EIF3K: variants seen among roughly 807,000 people sequenced by gnomAD.
EIF3K encodes eukaryotic translation initiation factor 3 subunit K, also known as eIF-3 p28.
A neutral mutation model predicts 34.2 loss-of-function variants in EIF3K; 27 were observed. That is an observed-to-expected ratio of 0.79 (90% CI 0.58 to 1.09). EIF3K has a LOEUF of 1.09. EIF3K is among the 50% of genes least tolerant of loss of function. EIF3K has a pLI of 0.00. For synonymous variants in EIF3K, 105 were observed against 105.7 expected (o/e 0.99, Z 0.04); for missense variants, 232 against 275.4 (o/e 0.84, Z 1.11).
At chr19:38,625,518 C>CTTTTTTTT (rs58008087) in intron 3 of EIF3K, among the ~76,000 whole-genome samples, 2 of 145,834 alleles carry the variant, frequency 1.4e-5, no homozygotes, top group South Asian at 2.1e-4. Context: ...TTAATATTTT[C>CTTTTTTTT]TTTTTTTTTG....
chr19:38,633,090 G>A (rs1243419090), intron 6 of EIF3K, among the ~76,000 whole-genome samples: 1 of 152,202 alleles, frequency 6.6e-6, no homozygotes, highest in Non-Finnish European at 1.5e-5. Context: ...CCCGTGGCCT[G>A]AGGTAGTGCA....
At chr19:38,624,912 A>G (rs888994) in intron 3 of EIF3K, among the ~76,000 whole-genome samples, 37,489 of 152,118 alleles carry the variant, frequency 0.25, 6,067 homozygotes, top group East Asian at 0.58. Context: ...TGAGACAGGG[A>G]AGGGAAGACC....
chr19:38,636,943 T>C lies in EIF3K; in HGVS notation c.*23T>C. On this transcript the variant is annotated 3_prime_UTR_variant, in exon 8 of 8. Coordinates refer to ENST00000248342, the MANE Select transcript of EIF3K (RefSeq NM_013234.4). ...TAACTTCAGGTGTTTAATAAAGATG[T>C]GTTGACTCAGCCCTACTGTCTCCTC... 5.0e-6 allele frequency: 8 copies of C among 1,614,006 alleles called. No individual in the cohort carries two copies. The highest frequency in any genetic ancestry group is 5.9e-6 in the Non-Finnish European group (7 of 1,179,922).
chr19:38,626,350 C>T (rs1452920636), intron 4 of EIF3K: 8 of 479,938 alleles, frequency 1.7e-5, no homozygotes, highest in East Asian at 1.0e-4. Context: ...TAGTACACAC[C>T]GTTGATCAGA....
chr19:38,634,396 C>T (rs1018724145), intron 6 of EIF3K, among the ~76,000 whole-genome samples: 2 of 150,168 alleles, frequency 1.3e-5, no homozygotes, highest in African/African-American at 2.5e-5. Flanking sequence ...GTCGGGAGTT[C>T]GAGACCAGCC....
chr19:38,631,329 T>C (rs924010703), intron 4 of EIF3K, among the ~76,000 whole-genome samples: 2 of 152,140 alleles, frequency 1.3e-5, no homozygotes, highest in Admixed American at 6.6e-5. Context: ...TGGGTGTTTC[T>C]CGGAGAGGGG....
rs1462202444 is a variant in EIF3K at position 38,620,422 on chromosome 19, G to T, written c.145G>T (p.Ala49Ser). The T allele has an allele frequency of 6.2e-7, 1 of 1,613,770 alleles. No homozygotes were observed. The change falls in exon 2 of 8, where the codon GCT becomes TCT. Residue 49 changes from alanine to serine, a missense_variant. Physicochemically the swap from Ala to Ser is moderately conservative, Grantham distance 99. Coordinates refer to ENST00000248342, the MANE Select transcript of EIF3K (RefSeq NM_013234.4). The stretch of plus-strand genomic sequence containing the variant: ...TGCCTATGATCTGGAAGCCAACCTG[G>T]CTGTCCTGAAGCTGTAAGTGTCTAG... ...ENAYDLEANLAVLKLYQFNPA... is the reference protein window; with the variant it reads ...ENAYDLEANLSVLKLYQFNPA...
Position 38,632,508 on chromosome 19 carries a change from TC to T in EIF3K, c.421+13del, listed in dbSNP as rs1346132675. ...CTCTGTCCGAAAGTGTAAGTCCCTCTCTGAGGCTGGGCTCCCCAAGGGGAAG... is the reference window on the plus strand; with the variant it reads ...CTCTGTCCGAAAGTGTAAGTCCCTCTTGAGGCTGGGCTCCCCAAGGGGAAG... On this transcript the variant is annotated intron_variant, in intron 5 of 7. Transcript: ENST00000248342. 6.2e-7 allele frequency: 1 copy of T among 1,614,144 alleles called. No homozygotes were observed. Among genetic ancestry groups the T allele is most frequent in the East Asian group, 2.2e-5 (1 of 44,880 alleles).
At chr19:38,621,212 AAAAAAG>A (rs1975834047) in intron 2 of EIF3K, among the ~76,000 whole-genome samples, 1 of 150,978 alleles carries the variant, frequency 6.6e-6, no homozygotes, top group African/African-American at 2.4e-5. Flanking sequence ...AAAAAAAAAA[AAAAAAG>A]AATTACCAAT....
intron 4 of EIF3K, 123 bp downstream of exon 4, chr19:38,626,225 G>A (rs1975948795): frequency 1.1e-6 from 1 of 880,094 alleles, no homozygotes; most frequent in East Asian, 2.5e-5. Context: ...TGCTCTGCAT[G>A]TGTGTGTTTG....
chr19:38,633,395 A>G (rs184595231), intron 6 of EIF3K, among the ~76,000 whole-genome samples: 1 of 152,320 alleles, frequency 6.6e-6, no homozygotes, highest in African/African-American at 2.4e-5. Context: ...AACGTAGAAA[A>G]GGAAGTCAAG....
chr19:38,636,270 T>G (rs1302910902), intron 7 of EIF3K, among the ~76,000 whole-genome samples: 1 of 152,102 alleles, frequency 6.6e-6, no homozygotes, highest in South Asian at 2.1e-4. Flanking sequence ...CTCAGGGAAG[T>G]AGGAGCCCAG....
intron 4 of EIF3K, among the ~76,000 whole-genome samples, chr19:38,631,259 G>A (rs961564667): frequency 3.3e-5 from 5 of 152,186 alleles, no homozygotes; most frequent in African/African-American, 1.2e-4. Flanking sequence ...AGGGGACCGC[G>A]TTCAGCACAC....
At chr19:38,629,258 T>TG (rs1976009860) in intron 4 of EIF3K, among the ~76,000 whole-genome samples, 1 of 148,936 alleles carries the variant, frequency 6.7e-6, no homozygotes, top group South Asian at 2.2e-4. Flanking sequence ...AGACAGGTTT[T>TG]TTTTGTTTGT....
intron 2 of EIF3K, 42 bp from the exon 3 acceptor site, chr19:38,624,032 ACTT>A: frequency 6.2e-7 from 1 of 1,613,020 alleles, no homozygotes; most frequent in East Asian, 2.2e-5. Context: ...AGGATTGGGG[ACTT>A]GGAGGTGCCA....
chr19:38,626,305 CT>C, intron 4 of EIF3K: 1 of 597,932 alleles, frequency 1.7e-6, no homozygotes, highest in Non-Finnish European at 3.0e-6. Context: ...GAGGCCGACC[CT>C]TTCCCCTTTC....
intron 7 of EIF3K, chr19:38,635,465 T>C (rs1976170315): frequency 2.6e-6 from 1 of 391,020 alleles, no homozygotes; most frequent in Non-Finnish European, 4.6e-6. Flanking sequence ...AAGCCTCATG[T>C]GCAGACTTGG....
chr19:38,635,319 C>A, intron 7 of EIF3K: 2 of 719,440 alleles, frequency 2.8e-6, no homozygotes, highest in Non-Finnish European at 4.5e-6. Flanking sequence ...TTCCCTGGAA[C>A]TTCTAGGCCC....
chr19:38,631,873 T>G (rs1476996739), intron 4 of EIF3K, among the ~76,000 whole-genome samples: 3 of 152,212 alleles, frequency 2.0e-5, no homozygotes, highest in African/African-American at 4.8e-5. Flanking sequence ...GCATGCTGCC[T>G]TCAAGCATCT....
Sources: gnomAD v4.1 joint callset for allele counts (sites outside exome capture counted in the v4.1 genomes callset) on GRCh38, gnomAD v4.1.1 for gene constraint, MANE v1.5 for transcripts, NCBI Gene and HGNC (gene_info 2026-07-23, HGNC 2026-07-21) for gene names.